The following TMTC2 variants were observed in gnomAD, a reference collection of about 807,000 sequenced individuals.
The protein encoded by TMTC2 is protein O-mannosyl-transferase TMTC2.
A neutral mutation model predicts 82.4 loss-of-function variants in TMTC2; 43 were observed. The observed-to-expected ratio is 0.52, with a 90% CI of 0.41 to 0.67. The LOEUF (loss-of-function observed/expected upper bound fraction) is 0.67. Ranked by LOEUF, TMTC2 falls within the 30% of genes least tolerant of loss-of-function variation. TMTC2 has a pLI of 0.00. For synonymous variants in TMTC2, 408 were observed against 381.9 expected (o/e 1.07, Z -0.80); for missense variants, 919 against 1,012.4 (o/e 0.91, Z 1.25).
chr12:82,890,001 A>G (rs1022844198), intron 2 of TMTC2, among the ~76,000 whole-genome samples: 1 of 152,196 alleles, frequency 6.6e-6, no homozygotes, highest in African/African-American at 2.4e-5. Context: ...CATACATGAT[A>G]CAAACTATTA....
chr12:83,057,638 A>G (rs1882594785), intron 10 of TMTC2, among the ~76,000 whole-genome samples: 1 of 151,940 alleles, frequency 6.6e-6, no homozygotes, highest in African/African-American at 2.4e-5. Context: ...AAAACTAAGC[A>G]TCAGAGCCTG....
intron 2 of TMTC2, among the ~76,000 whole-genome samples, chr12:82,860,469 T>G (rs1871486368): frequency 6.6e-6 from 1 of 152,206 alleles, no homozygotes; most frequent in Non-Finnish European, 1.5e-5. Context: ...GTAAAGTCAA[T>G]TGACTGCCCA....
chr12:82,716,039 G>A (rs899014129), intron 1 of TMTC2, among the ~76,000 whole-genome samples: 1 of 152,172 alleles, frequency 6.6e-6, no homozygotes, highest in Non-Finnish European at 1.5e-5. Context: ...GGGATAAGAG[G>A]TGTTTTGATT....
chr12:82,991,419 T>G (rs1879398661), intron 8 of TMTC2, among the ~76,000 whole-genome samples: 1 of 152,234 alleles, frequency 6.6e-6, no homozygotes, highest in Admixed American at 6.5e-5. Flanking sequence ...ATTTGAGTGG[T>G]TAAACAGAAT....
chr12:82,757,902 A>G (rs936696803), intron 1 of TMTC2, among the ~76,000 whole-genome samples: 7 of 152,206 alleles, frequency 4.6e-5, no homozygotes, highest in Non-Finnish European at 8.8e-5. Flanking sequence ...ATCACCATAG[A>G]TAATGACAAG....
chr12:82,891,807 C>T (rs1205569433), intron 2 of TMTC2, among the ~76,000 whole-genome samples: 1 of 152,240 alleles, frequency 6.6e-6, no homozygotes, highest in East Asian at 1.9e-4. Context: ...AATCACAACA[C>T]TTTAGAAACT....
intron 2 of TMTC2, among the ~76,000 whole-genome samples, chr12:82,866,030 A>G (rs1347044830): frequency 6.6e-6 from 1 of 152,190 alleles, no homozygotes; most frequent in Non-Finnish European, 1.5e-5. Context: ...AGGGAAATTT[A>G]TAGCACGAAA....
intron 1 of TMTC2, among the ~76,000 whole-genome samples, chr12:82,739,169 A>C (rs891689716): frequency 1.3e-5 from 2 of 150,500 alleles, no homozygotes; most frequent in Non-Finnish European, 1.5e-5. Flanking sequence ...AAAAAAGAGG[A>C]TACATAGAAA....
intron 1 of TMTC2, among the ~76,000 whole-genome samples, chr12:82,848,992 C>T (rs1223121325): frequency 6.6e-6 from 1 of 152,030 alleles, no homozygotes; most frequent in Non-Finnish European, 1.5e-5. Context: ...GGAAGTTTGG[C>T]TTAAATTAGC....
intron 11 of TMTC2, among the ~76,000 whole-genome samples, chr12:83,082,164 A>G (rs995615459): frequency 1.3e-5 from 2 of 152,256 alleles, no homozygotes; most frequent in African/African-American, 4.8e-5. Flanking sequence ...TGTAGTAGAA[A>G]CTATAGCTTG....
chr12:82,735,561 G>A (rs570209266), intron 1 of TMTC2, among the ~76,000 whole-genome samples: 4 of 151,866 alleles, frequency 2.6e-5, no homozygotes, highest in East Asian at 4.0e-4. Flanking sequence ...TAGCCAGGAT[G>A]GTCTCGATCT....
chr12:83,030,756 C>T, intron 8 of TMTC2, 42 bp from the exon 9 acceptor site: 1 of 1,467,896 alleles, frequency 6.8e-7, no homozygotes, highest in Non-Finnish European at 9.5e-7. Flanking sequence ...AAGAATCCCT[C>T]ATGATCTGTT....
intron 7 of TMTC2, among the ~76,000 whole-genome samples, chr12:82,982,843 G>A (rs1019644222): frequency 2.6e-5 from 4 of 151,984 alleles, no homozygotes; most frequent in African/African-American, 9.7e-5. Flanking sequence ...GTAGCCCTGA[G>A]TTTAAATTGC....
chr12:83,077,901 T>TA (rs368556559), intron 11 of TMTC2, among the ~76,000 whole-genome samples: 5 of 141,204 alleles, frequency 3.5e-5, no homozygotes, highest in South Asian at 2.3e-4. Context: ...TTTTTTTTTT[T>TA]TTTTAACAGG....
chr12:82,734,783 T>C (rs1462046568), intron 1 of TMTC2, among the ~76,000 whole-genome samples: 1 of 152,192 alleles, frequency 6.6e-6, no homozygotes, highest in Non-Finnish European at 1.5e-5. Flanking sequence ...TTATTTTCTT[T>C]GTTATTATTA....
chr12:82,929,180 G>A (rs111372073), intron 3 of TMTC2, among the ~76,000 whole-genome samples: 3 of 152,008 alleles, frequency 2.0e-5, no homozygotes, highest in Admixed American at 6.6e-5. Context: ...GCTCAACTCT[G>A]TGGGCTCAAG....
At chr12:82,863,869 A>G (rs1340193333) in intron 2 of TMTC2, among the ~76,000 whole-genome samples, 1 of 152,208 alleles carries the variant, frequency 6.6e-6, no homozygotes, top group Non-Finnish European at 1.5e-5. Context: ...TAGTGCATGT[A>G]AATATAGAAT....
At chr12:82,974,971 C>G (rs1878606885) in intron 7 of TMTC2, among the ~76,000 whole-genome samples, 1 of 152,020 alleles carries the variant, frequency 6.6e-6, no homozygotes, top group Admixed American at 6.6e-5. Context: ...ATTTTATGCC[C>G]TGCTGTGGGA....
At chr12:82,751,823 T>C (rs1002370666) in intron 1 of TMTC2, among the ~76,000 whole-genome samples, 2 of 152,186 alleles carry the variant, frequency 1.3e-5, no homozygotes, top group African/African-American at 2.4e-5. Context: ...GTGTGGAATC[T>C]GAAATATTTT....
Sources: allele counts gnomAD v4.1 joint callset (sites outside exome capture counted in the v4.1 genomes callset), GRCh38; gene constraint gnomAD v4.1.1; transcripts MANE v1.5; gene names NCBI Gene and HGNC (gene_info 2026-07-23, HGNC 2026-07-21).